KSR1: variants seen among roughly 807,000 people sequenced by gnomAD.
KSR1 encodes the protein kinase suppressor of ras 1.
Under a neutral mutation model 92.9 loss-of-function variants are expected in KSR1, and 35 were observed. The ratio of observed to expected loss-of-function variants is 0.38; its 90% confidence interval spans 0.29 to 0.50. The LOEUF (loss-of-function observed/expected upper bound fraction) is 0.50. Ranked by LOEUF, KSR1 falls within the 20% of genes least tolerant of loss-of-function variation. The pLI, the probability that KSR1 is intolerant of heterozygous loss-of-function variation, is 0.94. For synonymous variants in KSR1, 467 were observed against 472.6 expected, an observed-to-expected ratio of 0.99 and a Z score of 0.15; for missense variants, 972 against 1,158.5, an observed-to-expected ratio of 0.84 and a Z score of 2.34.
At chr17:27,530,893 A>T (rs2070509419) in intron 1 of KSR1, among the ~76,000 whole-genome samples, 1 of 152,206 alleles carries the variant, frequency 6.6e-6, no homozygotes, top group Non-Finnish European at 1.5e-5. Flanking sequence ...CGCTTAGTAA[A>T]ATAACACAAA....
intron 2 of KSR1, among the ~76,000 whole-genome samples, chr17:27,560,922 C>T (rs376579535): frequency 4.9e-4 from 74 of 152,336 alleles, no homozygotes; most frequent in African/African-American, 1.6e-3. Flanking sequence ...AGCCCAGCAG[C>T]ACAGGGCTGC....
intron 1 of KSR1, among the ~76,000 whole-genome samples, chr17:27,482,725 T>TA (rs1004337638): frequency 1.6e-4 from 24 of 152,180 alleles, no homozygotes; most frequent in African/African-American, 5.6e-4. Flanking sequence ...GATGAACCAC[T>TA]AACAGGCAAC....
In KSR1 at chr17:27,624,785, G is replaced by A. The variant is rs1298531021; in HGVS notation, c.*1393G>A. ...CTGAGCTCAGACTTGGGGAGGGAGG[G>A]GTGTGGCTCCCACCCCTTCCAGTTA... On this transcript the variant is annotated 3_prime_UTR_variant, in exon 21 of 21. Coordinates refer to ENST00000644974, the MANE Select transcript of KSR1 (RefSeq NM_001394583.1). 2.0e-5 allele frequency: 3 copies of A among 152,090 alleles called. No homozygotes were observed. The highest frequency in any genetic ancestry group is 4.4e-5 in the Non-Finnish European group (3 of 68,016). 9.4% of individuals were successfully genotyped at this position (152,090 alleles called of 1,614,324 possible).
At chr17:27,460,732 T>C (rs1181928453) in intron 1 of KSR1, among the ~76,000 whole-genome samples, 4 of 152,100 alleles carry the variant, frequency 2.6e-5, no homozygotes, top group Non-Finnish European at 2.9e-5. Flanking sequence ...GGACCTGAGC[T>C]CTCCCTATGC....
At chr17:27,600,019 A>G (rs2073495491) in intron 10 of KSR1, among the ~76,000 whole-genome samples, 2 of 151,676 alleles carry the variant, frequency 1.3e-5, no homozygotes, top group Middle Eastern at 3.4e-3. Context: ...TGGAGCTGGC[A>G]TCTCCTGTGA....
At chr17:27,535,867 G>A (rs1332533393) in intron 1 of KSR1, among the ~76,000 whole-genome samples, 2 of 152,208 alleles carry the variant, frequency 1.3e-5, no homozygotes, top group African/African-American at 2.4e-5. Flanking sequence ...TAGCTGGTAG[G>A]AGTCAGGGCT....
chr17:27,525,193 C>A (rs184110017), intron 1 of KSR1, among the ~76,000 whole-genome samples: 17 of 152,324 alleles, frequency 1.1e-4, no homozygotes, highest in South Asian at 2.1e-4. Context: ...ATTCCAGCTC[C>A]GCCTCTTACT....
chr17:27,590,643 G>A (rs570800625), intron 6 of KSR1, among the ~76,000 whole-genome samples, 168 bp from the exon 7 acceptor site: 8 of 152,362 alleles, frequency 5.3e-5, no homozygotes, highest in African/African-American at 1.9e-4. Context: ...AAATGTGAGG[G>A]GAGAAGCAGT....
chr17:27,607,859 G>A, intron 14 of KSR1, 55 bp from the exon 15 acceptor site: 2 of 1,313,576 alleles, frequency 1.5e-6, no homozygotes, highest in Non-Finnish European at 2.2e-6. Flanking sequence ...CACCAGGGTT[G>A]GGGTCAGGCC....
At chr17:27,603,514 G>T (rs1481583524) in intron 11 of KSR1, among the ~76,000 whole-genome samples, 1 of 152,218 alleles carries the variant, frequency 6.6e-6, no homozygotes, top group African/African-American at 2.4e-5. Context: ...TGCTTGGTGG[G>T]GGGCAGTTTG....
At chr17:27,468,119 ATT>A (rs990830231) in intron 1 of KSR1, among the ~76,000 whole-genome samples, 2 of 143,900 alleles carry the variant, frequency 1.4e-5, no homozygotes, top group African/African-American at 2.5e-5. Context: ...GCCCGGCCAT[ATT>A]TTTTTTTTTT....
At chr17:27,575,127 G>A (rs1000948775) in intron 2 of KSR1, among the ~76,000 whole-genome samples, 3 of 152,238 alleles carry the variant, frequency 2.0e-5, no homozygotes, top group Non-Finnish European at 4.4e-5. Flanking sequence ...TCCTGGGTGA[G>A]TCCACAGAAT....
intron 1 of KSR1, among the ~76,000 whole-genome samples, chr17:27,474,914 A>T (rs1157207205): frequency 6.6e-6 from 1 of 152,188 alleles, no homozygotes; most frequent in Non-Finnish European, 1.5e-5. Context: ...CATCCCTAAA[A>T]ATACCACACA....
At chr17:27,510,402 G>A (rs1268683834) in intron 1 of KSR1, among the ~76,000 whole-genome samples, 15 of 152,332 alleles carry the variant, frequency 9.8e-5, no homozygotes, top group Non-Finnish European at 1.5e-5. Flanking sequence ...GAGTTATAAG[G>A]ACCGAGTGAG....
intron 1 of KSR1, among the ~76,000 whole-genome samples, chr17:27,482,909 C>A (rs2068550805): frequency 2.3e-5 from 1 of 44,248 alleles, no homozygotes; most frequent in African/African-American, 1.3e-4. Context: ...TTTCAATAAA[C>A]CTACATGTCT....
chr17:27,569,120 T>C (rs533233759), intron 2 of KSR1, among the ~76,000 whole-genome samples: 3 of 152,386 alleles, frequency 2.0e-5, no homozygotes, highest in African/African-American at 7.2e-5. Flanking sequence ...TGGATAATAC[T>C]GTTTCTTTTT....
chr17:27,467,813 GTTT>G (rs200085439), intron 1 of KSR1, among the ~76,000 whole-genome samples: 1 of 139,390 alleles, frequency 7.2e-6, no homozygotes, highest in Admixed American at 7.2e-5. Context: ...TTTATGTTTT[GTTT>G]TTTTTTTTTT....
intron 1 of KSR1, among the ~76,000 whole-genome samples, chr17:27,540,860 C>A (rs1015904988): frequency 1.3e-5 from 2 of 152,246 alleles, no homozygotes; most frequent in African/African-American, 4.8e-5. Flanking sequence ...TCCTTACATT[C>A]TCAGAAATCA....
At chr17:27,530,468 A>G (rs1453022155) in intron 1 of KSR1, among the ~76,000 whole-genome samples, 1 of 151,900 alleles carries the variant, frequency 6.6e-6, no homozygotes, top group African/African-American at 2.4e-5. Flanking sequence ...AAGACCCAGC[A>G]GGGCAGATGG....
Sources: allele counts gnomAD v4.1 joint callset (sites outside exome capture counted in the v4.1 genomes callset), GRCh38; gene constraint gnomAD v4.1.1; transcripts MANE v1.5; gene names NCBI Gene and HGNC (gene_info 2026-07-23, HGNC 2026-07-21).